Variants in DCC observed in about 807,000 individuals in gnomAD.
DCC encodes netrin receptor DCC.
In DCC, 58 loss-of-function variants were observed where a neutral mutation model predicts 172.5. That is an observed-to-expected ratio of 0.34 (90% confidence interval 0.27 to 0.42). The LOEUF is 0.42. Ranked by LOEUF, DCC falls within the 10% of genes least tolerant of loss-of-function variation. DCC has a pLI of 1.00. For synonymous variants in DCC, 709 were observed against 644.5 expected, an observed-to-expected ratio of 1.10 and a Z score of -1.52; for missense variants, 1,740 against 1,791.0, an observed-to-expected ratio of 0.97 and a Z score of 0.51.
At chr18:52,531,652 A>T (rs933057336) in intron 1 of DCC, among the ~76,000 whole-genome samples, 6 of 150,182 alleles carry the variant, frequency 4.0e-5, no homozygotes, top group Admixed American at 2.7e-4. Context: ...TGAGTTTTCC[A>T]TTTTTTTTTC....
Position 53,003,522 on chromosome 18 carries a change from G to A in DCC, c.986-59783G>A, listed in dbSNP as rs767307865. ...TCAGTGGTGTTCATGGGTTTTAGAT[G>A]TTATTAATCATGAAAGTTGTAAGGT... On this transcript the variant is annotated intron_variant, in intron 5 of 28. Transcript: ENST00000442544. Among the ~76,000 whole-genome samples, 50 of 152,226 alleles carry A rather than the reference G, an allele frequency of 3.3e-4. 1 individual carries two copies. The highest frequency in any genetic ancestry group is 4.9e-4 in the Non-Finnish European group (33 of 68,010).
Position 53,048,233 on chromosome 18 carries a change from T to A in DCC, c.986-15072T>A, listed in dbSNP as rs975719742. Among the ~76,000 whole-genome samples the A allele has an allele frequency of 4.0e-5, 6 of 151,890 alleles. No individual in the cohort carries two copies. The South Asian group carries it at 8.3e-4, about 21-fold the overall frequency. ...TTCATCACCCAGGTTATAAGGACAG[T>A]ACCCAATAGGTATTTTTTTTTTTCT... On this transcript the variant is annotated intron_variant, in intron 5 of 28. Coordinates refer to ENST00000442544, the MANE Select transcript of DCC (RefSeq NM_005215.4).
intron 5 of DCC, among the ~76,000 whole-genome samples, chr18:53,011,434 G>A (rs1237256530): frequency 1.3e-5 from 2 of 151,312 alleles, no homozygotes; most frequent in African/African-American, 2.4e-5. Flanking sequence ...ATTTTTCAAA[G>A]GGATATTTTT....
intron 1 of DCC, among the ~76,000 whole-genome samples, chr18:52,349,970 A>G (rs192730955): frequency 1.3e-5 from 2 of 152,300 alleles, no homozygotes; most frequent in Non-Finnish European, 2.9e-5. Flanking sequence ...CAAATTCAGC[A>G]TCATCTTTAG....
At chr18:52,871,154 T>C (rs1389661834) in intron 2 of DCC, among the ~76,000 whole-genome samples, 1 of 152,124 alleles carries the variant, frequency 6.6e-6, no homozygotes, top group Non-Finnish European at 1.5e-5. Context: ...TAAAATCTTA[T>C]ATATCTTGGG....
chr18:53,073,353 A>C (rs2042681015), intron 7 of DCC, among the ~76,000 whole-genome samples: 1 of 151,992 alleles, frequency 6.6e-6, no homozygotes, highest in South Asian at 2.1e-4. Flanking sequence ...GTGAAACCTC[A>C]TCTCTACTAA....
At chr18:52,867,072 G>A (rs893400782) in intron 2 of DCC, among the ~76,000 whole-genome samples, 3 of 152,112 alleles carry the variant, frequency 2.0e-5, no homozygotes, top group Admixed American at 2.0e-4. Context: ...CTAGTTTATT[G>A]AGAGTTTTTA....
intron 25 of DCC, among the ~76,000 whole-genome samples, chr18:53,474,925 G>T (rs1428396431): frequency 1.3e-5 from 2 of 152,198 alleles, no homozygotes; most frequent in Non-Finnish European, 2.9e-5. Context: ...TGGCCAAAAT[G>T]CTGATAATGA....
rs564304810 is a variant in DCC at position 52,414,710 on chromosome 18, C to A, written c.91+73832C>A. Among the ~76,000 whole-genome samples the A allele has an allele frequency of 2.7e-4, 41 of 152,212 alleles. 1 individual carries two copies. The highest frequency in any genetic ancestry group is 9.6e-4 in the African/African-American group (40 of 41,538). On this transcript the variant is annotated intron_variant, in intron 1 of 28. Transcript: ENST00000442544. ...TATTTGTATGTTGTGGTCATAGGAA[C>A]CTGAATGACTTATGAGCAGTTGGGG...
At position 53,450,508 on chromosome 18, in the gene DCC, A is replaced by G. The variant is rs906133735; in HGVS notation, c.3238A>G (p.Ile1080Val). 24 of 1,613,812 alleles carry G rather than the reference A, an allele frequency of 1.5e-5. No homozygotes were observed. The highest frequency in any genetic ancestry group is 1.3e-4 in the African/African-American group (10 of 74,854). ...TTCCTGTCTTTTCCCAGAGCCGCCA[A>G]TTGGACAAATGCACCCCCCGCATGG... ...IDRSTLNEPP[I>V]GQMHPPHGSV... is the part of the protein sequence containing the mutation. The change falls in exon 23 of 29, where the codon ATT (isoleucine) becomes GTT (valine). Residue 1080 changes from isoleucine (I) to valine (V), a missense_variant. Transcript: ENST00000442544.
intron 13 of DCC, among the ~76,000 whole-genome samples, chr18:53,315,205 C>T (rs1025169332): frequency 2.6e-5 from 4 of 152,150 alleles, no homozygotes; most frequent in African/African-American, 9.7e-5. Context: ...TGAGTGAGAA[C>T]ATGTGGTGTT....
At chr18:52,596,561 G>A (rs1361548418) in intron 1 of DCC, among the ~76,000 whole-genome samples, 1 of 152,140 alleles carries the variant, frequency 6.6e-6, no homozygotes, top group Non-Finnish European at 1.5e-5. Flanking sequence ...ATTTTAGCAA[G>A]CCCACCAGAT....
At chr18:53,020,351 G>A (rs1003930049) in intron 5 of DCC, among the ~76,000 whole-genome samples, 1 of 151,952 alleles carries the variant, frequency 6.6e-6, no homozygotes, top group South Asian at 2.1e-4. Flanking sequence ...CAGAGCCAAG[G>A]AGAGATCAAC....
intron 15 of DCC, among the ~76,000 whole-genome samples, chr18:53,358,528 C>G (rs1399502612): frequency 9.6e-6 from 1 of 104,514 alleles, no homozygotes; most frequent in Non-Finnish European, 1.9e-5. Flanking sequence ...TATTCTCTCT[C>G]TCTTTTTTTT....
intron 1 of DCC, among the ~76,000 whole-genome samples, chr18:52,569,526 A>G (rs1389495843): frequency 6.6e-6 from 1 of 152,226 alleles, no homozygotes; most frequent in Non-Finnish European, 1.5e-5. Flanking sequence ...GGAAAATTAC[A>G]TACTCTATAC....
chr18:52,538,519 T>C (rs2032348389), intron 1 of DCC, among the ~76,000 whole-genome samples: 1 of 152,204 alleles, frequency 6.6e-6, no homozygotes, highest in African/African-American at 2.4e-5. Context: ...ATTTTGTCTC[T>C]ATTATTTAGT....
intron 13 of DCC, among the ~76,000 whole-genome samples, chr18:53,320,313 C>A (rs1353929958): frequency 6.6e-6 from 1 of 152,058 alleles, no homozygotes; most frequent in African/African-American, 2.4e-5. Flanking sequence ...ACTTTGTGAT[C>A]CGCCCGCCTC....
At chr18:53,466,476 C>G (rs2045622308) in intron 24 of DCC, among the ~76,000 whole-genome samples, 2 of 152,050 alleles carry the variant, frequency 1.3e-5, no homozygotes, top group Admixed American at 1.3e-4. Flanking sequence ...GAAATGTATC[C>G]TCTTTTCTGT....
At chr18:53,066,616 G>A (rs2042574678) in intron 7 of DCC, among the ~76,000 whole-genome samples, 2 of 150,458 alleles carry the variant, frequency 1.3e-5, no homozygotes, top group South Asian at 4.2e-4. Context: ...GTATATTTTA[G>A]TTATATATGT....
Sources: gnomAD v4.1 joint callset for allele counts (sites outside exome capture counted in the v4.1 genomes callset) on GRCh38, gnomAD v4.1.1 for gene constraint, MANE v1.5 for transcripts, NCBI Gene and HGNC (gene_info 2026-07-23, HGNC 2026-07-21) for gene names.